XRCC4: variants seen among roughly 807,000 people sequenced by gnomAD.
XRCC4 encodes X-ray repair cross complementing 4.
XRCC4 carries 28 observed loss-of-function variants against 39.1 expected under a neutral mutation model. The ratio of observed to expected loss-of-function variants is 0.72; its 90% CI spans 0.53 to 0.98. XRCC4 has a LOEUF of 0.98. Ranked by LOEUF, XRCC4 falls within the 50% of genes least tolerant of loss-of-function variation. The pLI is 0.00. For missense variants in XRCC4, 350 were observed against 376.4 expected (o/e 0.93, Z 0.58); for synonymous variants, 123 against 126.4 (o/e 0.97, Z 0.18).
chr5:83,100,210 C>T (rs968434436), intron 1 of XRCC4, among the ~76,000 whole-genome samples: 7 of 151,934 alleles, frequency 4.6e-5, no homozygotes. Context: ...AGGTAGTCTC[C>T]AAAGGTTCAA....
At chr5:83,198,155 A>G (rs2136163) in intron 4 of XRCC4, among the ~76,000 whole-genome samples, 2,287 of 152,300 alleles carry the variant, frequency 0.015, 76 homozygotes, top group African/African-American at 0.052. Context: ...GAGAATCATT[A>G]GAGTTGGGGC....
At chr5:83,211,163 C>T (rs956513723) in intron 6 of XRCC4, among the ~76,000 whole-genome samples, 19 of 152,172 alleles carry the variant, frequency 1.2e-4, no homozygotes, top group Non-Finnish European at 1.2e-4. Flanking sequence ...TGAAAAACTG[C>T]TGAAGTTTGG....
chr5:83,228,291 T>G (rs570666950), intron 6 of XRCC4, among the ~76,000 whole-genome samples: 1 of 152,176 alleles, frequency 6.6e-6, no homozygotes, highest in East Asian at 1.9e-4. Context: ...AGACTAAACT[T>G]TGATTTCAAA....
chr5:83,362,294 CA>C, the XRCC4 span, among the ~76,000 whole-genome samples: 17,928 of 72,998 alleles, frequency 0.25, 548 homozygotes, highest in Middle Eastern at 0.3. Flanking sequence ...GCTATTTAGG[CA>C]AAAAAAAAAA....
At chr5:83,247,652 T>C (rs1753158786) in intron 6 of XRCC4, among the ~76,000 whole-genome samples, 1 of 152,228 alleles carries the variant, frequency 6.6e-6, no homozygotes, top group East Asian at 1.9e-4. Flanking sequence ...ATTCATGATA[T>C]GTTTTAGATA....
chr5:83,108,307 T>G (rs1746293150), intron 2 of XRCC4, among the ~76,000 whole-genome samples: 2 of 152,020 alleles, frequency 1.3e-5, no homozygotes, highest in African/African-American at 4.8e-5. Flanking sequence ...TGAAGCCCTA[T>G]GTAGGCAGTC....
At chr5:83,095,020 C>T (rs975825802) in intron 1 of XRCC4, among the ~76,000 whole-genome samples, 37 of 151,456 alleles carry the variant, frequency 2.4e-4, no homozygotes, top group African/African-American at 8.0e-4. Context: ...TTGGTGTTTG[C>T]ACATTTGTGG....
intron 4 of XRCC4, among the ~76,000 whole-genome samples, chr5:83,199,738 T>C (rs1314766401): frequency 6.6e-6 from 1 of 151,488 alleles, no homozygotes; most frequent in East Asian, 1.9e-4. Context: ...TTCAGTATTT[T>C]TTTGTATTTT....
At chr5:83,163,623 G>A (rs1309027557) in intron 3 of XRCC4, among the ~76,000 whole-genome samples, 1 of 152,170 alleles carries the variant, frequency 6.6e-6, no homozygotes, top group East Asian at 1.9e-4. Flanking sequence ...CAAATGATGA[G>A]CAACTCCTAC....
At chr5:83,086,782 T>C (rs1745201997) in intron 1 of XRCC4, among the ~76,000 whole-genome samples, 1 of 152,176 alleles carries the variant, frequency 6.6e-6, no homozygotes. Context: ...TTATCTAGTT[T>C]TTTTTTTCAA....
intron 6 of XRCC4, among the ~76,000 whole-genome samples, chr5:83,213,710 TG>T (rs1376680775): frequency 6.6e-6 from 1 of 152,168 alleles, no homozygotes; most frequent in Non-Finnish European, 1.5e-5. Context: ...CAACTCATTT[TG>T]TGAGGCCGAT....
intron 6 of XRCC4, among the ~76,000 whole-genome samples, chr5:83,221,733 A>T (rs1580388265): frequency 6.6e-6 from 1 of 152,022 alleles, no homozygotes; most frequent in East Asian, 1.9e-4. Context: ...GCTTGTGTTA[A>T]AAGGTTATTA....
chr5:83,291,372 G>A (rs1754915429), intron 7 of XRCC4, among the ~76,000 whole-genome samples: 1 of 151,648 alleles, frequency 6.6e-6, no homozygotes, highest in African/African-American at 2.4e-5. Flanking sequence ...TCCACACTGA[G>A]ATTATTATCT....
At chr5:83,183,081 A>G (rs981635784) in intron 3 of XRCC4, among the ~76,000 whole-genome samples, 1 of 152,294 alleles carries the variant, frequency 6.6e-6, no homozygotes, top group South Asian at 2.1e-4. Context: ...GCATTAATTC[A>G]TTGACTTCTG....
chr5:83,294,954 A>G (rs1201651563), intron 7 of XRCC4, among the ~76,000 whole-genome samples: 1 of 152,102 alleles, frequency 6.6e-6, no homozygotes, highest in East Asian at 1.9e-4. Flanking sequence ...TAGCAAAATT[A>G]GTAGACAAAT....
chr5:83,140,409 T>A (rs1748109719), intron 3 of XRCC4, among the ~76,000 whole-genome samples: 1 of 152,142 alleles, frequency 6.6e-6, no homozygotes, highest in African/African-American at 2.4e-5. Context: ...GCCAGAAGAC[T>A]CAGCAAGCAG....
At chr5:83,231,376 T>C (rs961018408) in intron 6 of XRCC4, among the ~76,000 whole-genome samples, 5 of 152,082 alleles carry the variant, frequency 3.3e-5, no homozygotes, top group Non-Finnish European at 5.9e-5. Context: ...CAGTTGAGTT[T>C]ATTTAGCGTT....
intron 2 of XRCC4, among the ~76,000 whole-genome samples, chr5:83,110,535 C>T (rs1402785636): frequency 6.6e-6 from 1 of 151,960 alleles, no homozygotes; most frequent in Non-Finnish European, 1.5e-5. Context: ...TTATCATCTC[C>T]TTTCATCCAT....
intron 7 of XRCC4, among the ~76,000 whole-genome samples, chr5:83,306,435 G>C (rs1331850606): frequency 6.6e-6 from 1 of 152,074 alleles, no homozygotes; most frequent in Non-Finnish European, 1.5e-5. Context: ...AGATTTTCTA[G>C]CCACATTTTA....
Sources: allele counts gnomAD v4.1 joint callset (sites outside exome capture counted in the v4.1 genomes callset), GRCh38; gene constraint gnomAD v4.1.1; transcripts MANE v1.5; gene names NCBI Gene and HGNC (gene_info 2026-07-23, HGNC 2026-07-21).